Variants in CPSF3 observed in about 807,000 individuals in gnomAD.
The protein encoded by CPSF3 is cleavage and polyadenylation specific factor 3, also known as cleavage and polyadenylation specificity factor subunit 3.
Under a neutral mutation model 84.1 loss-of-function variants are expected in CPSF3, and 57 were observed. The ratio of observed to expected loss-of-function variants is 0.68; its 90% CI spans 0.55 to 0.85. CPSF3 has a LOEUF of 0.85. CPSF3 is among the 40% of genes least tolerant of loss of function. CPSF3 has a pLI of 0.00. For synonymous variants in CPSF3, 275 were observed against 278.1 expected, an observed-to-expected ratio of 0.99 and a Z score of 0.11; for missense variants, 522 against 838.8, an observed-to-expected ratio of 0.62 and a Z score of 4.66.
At chr2:9,439,327 G>C (rs1414757311) in intron 7 of CPSF3, among the ~76,000 whole-genome samples, 1 of 152,018 alleles carries the variant, frequency 6.6e-6, no homozygotes, top group African/African-American at 2.4e-5. Flanking sequence ...CAAAAAATTA[G>C]CCAGGCATGG....
At chr2:9,452,597 C>G (rs1433193761) in intron 11 of CPSF3, among the ~76,000 whole-genome samples, 1 of 152,140 alleles carries the variant, frequency 6.6e-6, no homozygotes, top group Non-Finnish European at 1.5e-5. Context: ...ACGGGGACTT[C>G]CCGGCCTTCC....
At position 9,441,850 on chromosome 2, in the gene CPSF3, T is replaced by C; in HGVS notation, c.969T>C (p.Ser323=). The C allele has an allele frequency of 6.2e-7, 1 of 1,614,152 alleles. No individual in the cohort carries two copies. Among genetic ancestry groups the C allele is most frequent in the Non-Finnish European group, 8.5e-7 (1 of 1,180,022 alleles). Residue 323 remains serine, a synonymous_variant, in exon 9 of 18, where the codon AGT becomes AGC. Coordinates refer to ENST00000238112, the MANE Select transcript of CPSF3 (RefSeq NM_016207.4). The part of the protein sequence containing the change: ...SMDHFDDIGP[S]VVMASPGMMQ... The stretch of plus-strand genomic sequence containing the variant: ...ATCATTTTGATGACATTGGTCCCAG[T>C]GTTGTAATGGCCTCCCCAGGCATGA...
intron 10 of CPSF3, 56 bp from the exon 11 acceptor site, chr2:9,448,142 C>A: frequency 1.0e-6 from 1 of 965,920 alleles, no homozygotes; most frequent in Non-Finnish European, 1.5e-6. Flanking sequence ...AACTTAAGGA[C>A]CATGATTAAG....
chr2:9,424,904 C>T (rs1680316191), intron 1 of CPSF3: 2 of 152,252 alleles, frequency 1.3e-5, no homozygotes, highest in African/African-American at 4.8e-5. Flanking sequence ...ACAACAATCT[C>T]ACTGAACCCG....
chr2:9,445,342 G>A (rs1681094982), intron 10 of CPSF3, among the ~76,000 whole-genome samples: 1 of 152,148 alleles, frequency 6.6e-6, no homozygotes, highest in Admixed American at 6.6e-5. Flanking sequence ...ACCACATGTT[G>A]TTTATCCATT....
At chr2:9,467,970 T>G in intron 16 of CPSF3, 194 bp downstream of exon 16, 1 of 487,890 alleles carries the variant, frequency 2.0e-6, no homozygotes, top group Non-Finnish European at 3.6e-6. Context: ...ACCTGTGACC[T>G]GCTAGGTCAG....
At chr2:9,464,872 G>A (rs1025408600) in intron 15 of CPSF3, among the ~76,000 whole-genome samples, 3 of 152,008 alleles carry the variant, frequency 2.0e-5, no homozygotes, top group African/African-American at 7.2e-5. Flanking sequence ...GATTCCAGGT[G>A]TGAGCCACTG....
chr2:9,446,915 G>A (rs555056109), intron 10 of CPSF3, among the ~76,000 whole-genome samples: 1 of 152,190 alleles, frequency 6.6e-6, no homozygotes, highest in Non-Finnish European at 1.5e-5. Context: ...CAAGGCTGAG[G>A]TGGAAAGACT....
chr2:9,450,884 A>T (rs1681307600), intron 11 of CPSF3, among the ~76,000 whole-genome samples: 1 of 152,226 alleles, frequency 6.6e-6, no homozygotes, highest in African/African-American at 2.4e-5. Context: ...GAGGAAAAAA[A>T]GAAATTAGCA....
intron 14 of CPSF3, 64 bp downstream of exon 14, chr2:9,457,091 A>G (rs2124851838): frequency 1.1e-6 from 1 of 913,862 alleles, no homozygotes; most frequent in Non-Finnish European, 1.7e-6. Flanking sequence ...TTCATGAACA[A>G]TTGTAGAGAA....
intron 10 of CPSF3, 149 bp downstream of exon 10, chr2:9,443,810 CTTTACAACTCCCCTTTGA>C: frequency 3.9e-6 from 3 of 767,474 alleles, no homozygotes; most frequent in Non-Finnish European, 6.2e-6. Context: ...CGGATTTGGC[CTTTACAACTCCCCTTTGA>C]TTTCAGCAAG....
chr2:9,439,405 G>A (rs1033754339), intron 7 of CPSF3, among the ~76,000 whole-genome samples: 7 of 148,564 alleles, frequency 4.7e-5, no homozygotes, highest in East Asian at 3.9e-4. Context: ...CCCGGGAGGC[G>A]GAACTTGCAG....
chr2:9,466,366 A>ACTCG (rs1558466627), intron 15 of CPSF3, among the ~76,000 whole-genome samples: 2 of 146,292 alleles, frequency 1.4e-5, no homozygotes, highest in African/African-American at 2.5e-5. Context: ...ACACACACGC[A>ACTCG]CACACCCACG....
chr2:9,443,577 G>A lies in CPSF3; in HGVS notation c.1158G>A (p.Met386Ile), dbSNP rs1044067017. 8.1e-6 allele frequency: 13 copies of A among 1,614,142 alleles called. No homozygotes were observed. The highest frequency in any genetic ancestry group is 1.1e-5 in the Non-Finnish European group (13 of 1,179,988). ...TMSGQKLPLK[M>I]SVDYISFSAH... is the part of the protein sequence containing the mutation. ...CTGGACAGAAGTTACCACTGAAAAT[G>A]TCTGTTGATTACATTTCTTTCTCAG... Residue 386 changes from methionine (M) to isoleucine (I), a missense_variant, in exon 10 of 18, where the codon ATG becomes ATA. Transcript: ENST00000238112.
At chr2:9,459,688 C>T (rs1408720768) in intron 15 of CPSF3, 70 bp downstream of exon 15, 18 of 673,798 alleles carry the variant, frequency 2.7e-5, no homozygotes, top group Non-Finnish European at 3.6e-5. Flanking sequence ...CTAGCTCTGT[C>T]ATCCAGGCTG....
At chr2:9,465,542 T>TACACACACAC (rs59250489) in intron 15 of CPSF3, among the ~76,000 whole-genome samples, 47 of 149,768 alleles carry the variant, frequency 3.1e-4, no homozygotes, top group African/African-American at 1.1e-3. Flanking sequence ...CCCCATATCA[T>TACACACACAC]ACACACACAC....
rs147955352 is a variant in CPSF3 at position 9,450,500 on chromosome 2, C to G, written c.1395+2150C>G. Among the ~76,000 whole-genome samples the G allele has an allele frequency of 1.1e-3, 167 of 152,144 alleles. 2 individuals are homozygous for G. The highest frequency in any genetic ancestry group is 3.8e-3 in the African/African-American group (157 of 41,532). On this transcript the variant is annotated intron_variant, in intron 11 of 17. Transcript: ENST00000238112. Reference sequence around the variant, plus strand: ...ATTTAGTTGAAGGTTTAAGTATCAACATATGGGCCAGGTGCTGTGGCTCAC... The same window carrying G: ...ATTTAGTTGAAGGTTTAAGTATCAAGATATGGGCCAGGTGCTGTGGCTCAC...
Position 9,423,757 on chromosome 2 carries a change from G to A in CPSF3, c.-17G>A, listed in dbSNP as rs1680206545. 3 of 1,612,846 alleles carry A rather than the reference G, an allele frequency of 1.9e-6. No individual in the cohort carries two copies. On this transcript the variant is annotated 5_prime_UTR_variant, in exon 1 of 18. Coordinates refer to ENST00000238112, the MANE Select transcript of CPSF3 (RefSeq NM_016207.4). ...GCGACCTGTTCCTCACCCCCGCTTC[G>A]CCCTCACACTTTCGGGATGTCTGCG...
Position 9,471,407 on chromosome 2 carries a change from G to A in CPSF3, c.1921G>A (p.Gly641Arg), listed in dbSNP as rs146155720. ...DDSILSVTVDGKTANLNLETR... is the reference protein window; with the variant it reads ...DDSILSVTVDRKTANLNLETR... The stretch of plus-strand genomic sequence containing the variant: ...CTCTATTCTTAGCGTCACAGTGGAC[G>A]GGAAAACTGCCAACCTTAACTTGGA... The change falls in exon 17 of 18, where the codon GGG (glycine) becomes AGG (arginine). Residue 641 changes from glycine (G) to arginine (R), a missense_variant. By Grantham distance (125) the Gly-to-Arg change is moderately radical. Transcript: ENST00000238112. 24 of 1,611,344 alleles carry A rather than the reference G, an allele frequency of 1.5e-5. No individual in the cohort carries two copies. The African/African-American group carries it at 1.6e-4, about 11-fold the overall frequency.
Sources: allele counts gnomAD v4.1 joint callset (sites outside exome capture counted in the v4.1 genomes callset), GRCh38; gene constraint gnomAD v4.1.1; transcripts MANE v1.5; gene names NCBI Gene and HGNC (gene_info 2026-07-23, HGNC 2026-07-21).